EPHA5: variants seen among roughly 807,000 people sequenced by gnomAD.
EPHA5 encodes EPH receptor A5, also known as ephrin type-A receptor 5.
EPHA5 carries 60 observed loss-of-function variants against 105.0 expected under a neutral mutation model. The observed-to-expected ratio is 0.57, with a 90% CI of 0.46 to 0.71. The LOEUF (loss-of-function observed/expected upper bound fraction) is 0.71. Among genes scored for constraint, EPHA5 ranks in the 30% least tolerant of loss-of-function variants. The pLI is 0.00. For missense variants in EPHA5, 1,218 were observed against 1,274.7 expected, an observed-to-expected ratio of 0.96 and a Z score of 0.68; for synonymous variants, 513 against 449.1, an observed-to-expected ratio of 1.14 and a Z score of -1.80.
intron 2 of EPHA5, among the ~76,000 whole-genome samples, chr4:65,607,575 GA>G (rs1254274522): frequency 1.3e-5 from 2 of 152,156 alleles, no homozygotes; most frequent in African/African-American, 2.4e-5. Flanking sequence ...ACAAATATGC[GA>G]AAAAAAGCTC....
intron 8 of EPHA5, among the ~76,000 whole-genome samples, chr4:65,382,258 G>A (rs950721365): frequency 2.6e-5 from 4 of 151,092 alleles, no homozygotes; most frequent in African/African-American, 7.3e-5. Context: ...AAAAACTTGA[G>A]GTGAGACATA....
At chr4:65,387,978 C>G (rs1577985075) in intron 8 of EPHA5, among the ~76,000 whole-genome samples, 1 of 86,912 alleles carries the variant, frequency 1.2e-5, no homozygotes, top group Non-Finnish European at 2.2e-5. Flanking sequence ...TCCCCCCACC[C>G]CACAACAGTT....
intron 5 of EPHA5, among the ~76,000 whole-genome samples, chr4:65,459,370 ATTAT>A (rs1234286206): frequency 2.6e-5 from 4 of 151,976 alleles, no homozygotes; most frequent in Non-Finnish European, 4.4e-5. Flanking sequence ...CTACTTTTCC[ATTAT>A]TTATCACAAT....
At chr4:65,534,644 T>G (rs1736124936) in intron 3 of EPHA5, among the ~76,000 whole-genome samples, 1 of 152,204 alleles carries the variant, frequency 6.6e-6, no homozygotes, top group Admixed American at 6.5e-5. Context: ...AGCATTTACC[T>G]TATGGACAAT....
intron 1 of EPHA5, among the ~76,000 whole-genome samples, chr4:65,659,490 A>C (rs1749374246): frequency 6.6e-6 from 1 of 152,026 alleles, no homozygotes. Context: ...AGTGTGTAAG[A>C]GTATGATGAC....
chr4:65,465,008 T>A (rs1039381946), intron 5 of EPHA5, among the ~76,000 whole-genome samples: 1 of 152,144 alleles, frequency 6.6e-6, no homozygotes, highest in Non-Finnish European at 1.5e-5. Flanking sequence ...ATAAGAACAT[T>A]ACAACAAAGT....
intron 8 of EPHA5, among the ~76,000 whole-genome samples, chr4:65,401,996 T>G (rs1226210109): frequency 6.6e-6 from 1 of 151,872 alleles, no homozygotes; most frequent in African/African-American, 2.4e-5. Context: ...TGCATTATAA[T>G]CCCCATAATC....
chr4:65,514,334 G>C (rs916328223), intron 3 of EPHA5, among the ~76,000 whole-genome samples: 1 of 152,126 alleles, frequency 6.6e-6, no homozygotes, highest in African/African-American at 2.4e-5. Flanking sequence ...GAGCAGAATT[G>C]AGAGTATGCA....
chr4:65,396,725 G>A (rs1287801083), intron 8 of EPHA5, among the ~76,000 whole-genome samples: 1 of 152,186 alleles, frequency 6.6e-6, no homozygotes, highest in Non-Finnish European at 1.5e-5. Flanking sequence ...AAGGCAAAGA[G>A]GGGCCTTGGT....
chr4:65,551,091 CA>C (rs752494784), intron 3 of EPHA5, among the ~76,000 whole-genome samples: 2 of 151,040 alleles, frequency 1.3e-5, no homozygotes, highest in Non-Finnish European at 2.9e-5. Context: ...TGTATATTCA[CA>C]TATATGTGTA....
chr4:65,573,356 A>C, intron 3 of EPHA5: 1 of 640,864 alleles, frequency 1.6e-6, no homozygotes, highest in Non-Finnish European at 2.4e-6. Flanking sequence ...GCTTGCAATG[A>C]GCTGAGATTG....
In EPHA5 at chr4:65,609,628, A is replaced by G. The variant is rs1200271138; in HGVS notation, c.247-7324T>C. ...GCTAGATATTTTTTTTTCAACCTGG[A>G]GGAAAAAAATCAGTTTTTTTTTTTT... is the stretch of plus-strand genomic sequence containing the variant. On this transcript the variant is annotated intron_variant, in intron 2 of 16. Coordinates refer to ENST00000613740, the MANE Select transcript of EPHA5 (RefSeq NM_001281766.3). Among the ~76,000 whole-genome samples the G allele has an allele frequency of 2.8e-5, 4 of 142,706 alleles. No homozygotes were observed. The East Asian group carries it at 9.4e-4, about 34-fold the overall frequency. 93.6% of individuals were successfully genotyped at this position (142,706 alleles called of 152,430 possible). A position where few individuals can be genotyped will look rare whatever the true frequency, so the allele number is the denominator to read the frequency against.
In EPHA5 at chr4:65,658,873, C is replaced by T. The variant is rs531943546; in HGVS notation, c.181+10689G>A. ...AATAGATCAAACTCTCGTTTCAGCT[C>T]CCTAATTTATAACATTGAGCTTCTC... On this transcript the variant is annotated intron_variant, in intron 1 of 16. Transcript: ENST00000613740. Among the ~76,000 whole-genome samples the T allele has an allele frequency of 1.8e-4, 27 of 152,136 alleles. No individual in the cohort carries two copies. The South Asian group carries it at 5.6e-3, about 31-fold the overall frequency.
At chr4:65,401,670 A>G (rs966772525) in intron 8 of EPHA5, among the ~76,000 whole-genome samples, 1 of 152,168 alleles carries the variant, frequency 6.6e-6, no homozygotes, top group Non-Finnish European at 1.5e-5. Flanking sequence ...AAAGAATTTT[A>G]ATATGAATGA....
At chr4:65,516,440 G>A (rs1734110814) in intron 3 of EPHA5, among the ~76,000 whole-genome samples, 1 of 151,910 alleles carries the variant, frequency 6.6e-6, no homozygotes, top group South Asian at 2.1e-4. Flanking sequence ...AGAGGAGGAA[G>A]AGGAGAATGT....
chr4:65,575,953 G>T (rs1388433939), intron 3 of EPHA5, among the ~76,000 whole-genome samples: 3 of 145,384 alleles, frequency 2.1e-5, no homozygotes, highest in African/African-American at 7.7e-5. Flanking sequence ...CTGCAGTCTG[G>T]TGACAGAGCG....
intron 5 of EPHA5, among the ~76,000 whole-genome samples, chr4:65,440,852 G>A (rs913352842): frequency 5.9e-5 from 9 of 151,994 alleles, no homozygotes; most frequent in African/African-American, 1.7e-4. Context: ...CTTCAGAGGT[G>A]GTAGTTTGGG....
intron 7 of EPHA5, 61 bp from the exon 8 acceptor site, chr4:65,404,540 A>C: frequency 2.0e-6 from 3 of 1,472,258 alleles, no homozygotes; most frequent in Non-Finnish European, 2.8e-6. Flanking sequence ...TTCAAAATAA[A>C]AGTTGCTTAA....
chr4:65,545,399 T>C (rs12644143), intron 3 of EPHA5, among the ~76,000 whole-genome samples: 148,124 of 151,986 alleles, frequency 0.97, 72,291 homozygotes, highest in East Asian at 1. Context: ...GAAGATCGTA[T>C]GTTGATGTCT....
Sources: gnomAD v4.1 joint callset for allele counts (sites outside exome capture counted in the v4.1 genomes callset) on GRCh38, gnomAD v4.1.1 for gene constraint, MANE v1.5 for transcripts, NCBI Gene and HGNC (gene_info 2026-07-23, HGNC 2026-07-21) for gene names.